HHLA2: variants seen among roughly 807,000 people sequenced by gnomAD.
HHLA2 encodes the protein HHLA2 member of B7 family.
HHLA2 carries 48 observed loss-of-function variants against 45.9 expected under a neutral mutation model. The ratio of observed to expected loss-of-function variants is 1.05; its 90% CI spans 0.83 to 1.33. The LOEUF (loss-of-function observed/expected upper bound fraction) is 1.33. Among genes scored for constraint, HHLA2 ranks in the 40% most tolerant of loss-of-function variants. The pLI is 0.00. For synonymous variants in HHLA2, 161 were observed against 173.9 expected, an observed-to-expected ratio of 0.93 and a Z score of 0.59; for missense variants, 462 against 494.3, an observed-to-expected ratio of 0.93 and a Z score of 0.62.
rs748139281 is a variant in HHLA2 at position 108,357,924 on chromosome 3, T to G, written c.766T>G (p.Phe256Val). The change falls in exon 7 of 11, where the codon TTC (phenylalanine) becomes GTC (valine). Residue 256 changes from phenylalanine to valine, a missense_variant. This residue lies in a region of HHLA2 where 335 missense variants were observed against 367.4 expected (regional missense o/e 0.91). Transcript: ENST00000619531. ...TGATTATTTTTCACCAAACCAAGAC[T>G]TCAAAGTTACTTGGTCCAGAATGAA... 66 of 1,613,874 alleles carry G rather than the reference T, an allele frequency of 4.1e-5. No individual in the cohort carries two copies. The highest frequency in any genetic ancestry group is 5.3e-5 in the Non-Finnish European group (63 of 1,179,808).
At chr3:108,353,253 CA>C (rs1014692894) in intron 4 of HHLA2, among the ~76,000 whole-genome samples, 173 bp from the exon 4 acceptor site, 1 of 152,176 alleles carries the variant, frequency 6.6e-6, no homozygotes, top group Non-Finnish European at 1.5e-5. Flanking sequence ...AATTAAAACT[CA>C]AACACAGAGC....
At chr3:108,322,582 G>A (rs1411955046) in intron 2 of HHLA2, among the ~76,000 whole-genome samples, 2 of 152,162 alleles carry the variant, frequency 1.3e-5, no homozygotes, top group African/African-American at 2.4e-5. Flanking sequence ...AACCTATGTG[G>A]GGGAGTGGAT....
intron 2 of HHLA2, among the ~76,000 whole-genome samples, chr3:108,322,667 C>T (rs1455990770): frequency 6.6e-6 from 1 of 152,176 alleles, no homozygotes; most frequent in Middle Eastern, 3.2e-3. Context: ...GAAACGTTCT[C>T]AAGCTCATTC....
chr3:108,331,090 C>T lies in HHLA2; in HGVS notation c.-27+2743C>T, dbSNP rs116755239. ...GTGTTTCAAACCTGGGCATCCCACC[C>T]GGTTCGAGAATATGTCATCAAGCAA... On this transcript the variant is annotated intron_variant, in intron 3 of 10. Coordinates refer to ENST00000619531, the Ensembl canonical transcript of HHLA2. Among the ~76,000 whole-genome samples, 820 of 152,144 alleles carry T rather than the reference C, an allele frequency of 5.4e-3. 6 individuals are homozygous for T. Among genetic ancestry groups the T allele is most frequent in the African/African-American group, 0.018 (761 of 41,506 alleles).
chr3:108,318,477 A>G (rs2107335794), intron 2 of HHLA2, among the ~76,000 whole-genome samples: 1 of 152,326 alleles, frequency 6.6e-6, no homozygotes, highest in African/African-American at 2.4e-5. Context: ...GAGTTCTCTT[A>G]TAATTCACCA....
intron 8 of HHLA2, among the ~76,000 whole-genome samples, chr3:108,365,034 CA>C (rs2082041892): frequency 6.6e-6 from 1 of 152,128 alleles, no homozygotes; most frequent in South Asian, 2.1e-4. Flanking sequence ...GCTTTTGTTG[CA>C]ATTGCTTTTG....
chr3:108,322,662 G>A (rs1009647057), intron 2 of HHLA2, among the ~76,000 whole-genome samples: 24 of 152,218 alleles, frequency 1.6e-4, no homozygotes, highest in African/African-American at 2.9e-4. Flanking sequence ...CTTTCGAAAC[G>A]TTCTCAAGCT....
chr3:108,360,957 G>A (rs2107480616), intron 7 of HHLA2, among the ~76,000 whole-genome samples: 1 of 152,288 alleles, frequency 6.6e-6, no homozygotes. Flanking sequence ...TCATTCTAAA[G>A]GATAGCCACA....
At chr3:108,369,814 G>A (rs905363060) in intron 8 of HHLA2, among the ~76,000 whole-genome samples, 3 of 152,216 alleles carry the variant, frequency 2.0e-5, no homozygotes, top group African/African-American at 7.2e-5. Context: ...AAGCAGCCAG[G>A]AAGCTCGAAC....
intron 8 of HHLA2, among the ~76,000 whole-genome samples, chr3:108,373,971 G>C (rs1439613462): frequency 6.6e-6 from 1 of 150,538 alleles, no homozygotes; most frequent in Admixed American, 6.6e-5. Flanking sequence ...AGAATTGGAA[G>C]AAACTACTTT....
At chr3:108,368,624 C>A (rs2082110482) in intron 8 of HHLA2, among the ~76,000 whole-genome samples, 1 of 95,078 alleles carries the variant, frequency 1.1e-5, no homozygotes, top group Non-Finnish European at 2.1e-5. Context: ...CAACAAAGAT[C>A]AAAAAAGACA....
intron 7 of HHLA2, among the ~76,000 whole-genome samples, chr3:108,359,257 G>C (rs78721655): frequency 0.066 from 9,961 of 151,852 alleles, 587 homozygotes; most frequent in East Asian, 0.34. Context: ...CTAATTTTCA[G>C]TTCACACAAA....
chr3:108,344,673 A>T (rs2081631580), intron 3 of HHLA2, among the ~76,000 whole-genome samples: 1 of 152,214 alleles, frequency 6.6e-6, no homozygotes, highest in South Asian at 2.1e-4. Context: ...ACATGTGCAC[A>T]TGTTCAACAC....
At chr3:108,364,359 T>C (rs2082029012) in intron 8 of HHLA2, among the ~76,000 whole-genome samples, 1 of 152,242 alleles carries the variant, frequency 6.6e-6, no homozygotes, top group Admixed American at 6.5e-5. Flanking sequence ...TTCCATGGTG[T>C]ATATGTGCCA....
intron 2 of HHLA2, among the ~76,000 whole-genome samples, chr3:108,327,798 G>A (rs1376697884): frequency 6.6e-6 from 1 of 152,100 alleles, no homozygotes; most frequent in Non-Finnish European, 1.5e-5. Context: ...TCTTGTCTCT[G>A]AGTGCCTGGC....
chr3:108,302,260 G>A (rs1046509997), intron 1 of HHLA2, among the ~76,000 whole-genome samples: 44 of 152,174 alleles, frequency 2.9e-4, no homozygotes, highest in African/African-American at 9.1e-4. Context: ...TTAGTCTTTC[G>A]ATAACAGGTC....
chr3:108,359,819 A>G (rs2081958203), intron 7 of HHLA2, among the ~76,000 whole-genome samples: 1 of 152,194 alleles, frequency 6.6e-6, no homozygotes, highest in African/African-American at 2.4e-5. Flanking sequence ...GATATGTTCC[A>G]AGACCCCCAG....
chr3:108,376,422 A>C (rs1207612611), intron 9 of HHLA2, 71 bp from the exon 9 acceptor site: 1 of 1,146,220 alleles, frequency 8.7e-7, no homozygotes, highest in Non-Finnish European at 1.2e-6. Flanking sequence ...GATTATATTG[A>C]GATAGGACTA....
In HHLA2 at chr3:108,366,769, T is replaced by C. The variant is rs923233002; in HGVS notation, c.1108+4323T>C. Among the ~76,000 whole-genome samples, 9 of 152,276 alleles carry C rather than the reference T, an allele frequency of 5.9e-5. No individual in the cohort carries two copies. The South Asian group carries it at 1.9e-3, about 31-fold the overall frequency. On this transcript the variant is annotated intron_variant, in intron 8 of 10. Coordinates refer to ENST00000619531, the Ensembl canonical transcript of HHLA2. ...TAGTTTATTTGCTTAGAGGTGTTTA[T>C]AGTATTCTCTAATAGTAGCTTGTAT...
Sources: allele counts gnomAD v4.1 joint callset (sites outside exome capture counted in the v4.1 genomes callset), GRCh38; gene constraint gnomAD v4.1.1; regional missense constraint gnomAD v4.1.1; transcripts MANE v1.5; gene names NCBI Gene and HGNC (gene_info 2026-07-23, HGNC 2026-07-21).